Variants in RBFOX3 observed in about 807,000 individuals in gnomAD.
RBFOX3 encodes RNA binding fox-1 homolog 3.
Under a neutral mutation model 48.7 loss-of-function variants are expected in RBFOX3, and 17 were observed. The observed-to-expected ratio is 0.35, with a 90% CI of 0.24 to 0.52. RBFOX3 has a LOEUF of 0.52. Among genes scored for constraint, RBFOX3 ranks in the 20% least tolerant of loss-of-function variants. The probability of loss-of-function intolerance (pLI) is 0.94; values close to 1 mark genes in which losing one functional copy is unlikely to be tolerated. For synonymous variants in RBFOX3, 212 were observed against 209.5 expected (o/e 1.01, Z -0.10); for missense variants, 382 against 497.5 (o/e 0.77, Z 2.21).
At chr17:79,619,347 G>A in the RBFOX3 span, among the ~76,000 whole-genome samples, 6 of 152,292 alleles carry the variant, frequency 3.9e-5, no homozygotes, top group East Asian at 9.7e-4. Context: ...TGAAATCAAG[G>A]TGTCAGTGGG....
intron 2 of RBFOX3, among the ~76,000 whole-genome samples, chr17:79,456,417 C>A (rs149417534): frequency 1.6e-4 from 24 of 152,102 alleles, no homozygotes; most frequent in Non-Finnish European, 3.5e-4. Context: ...CCACTGGATG[C>A]CAGGGGCAGC....
At chr17:79,428,391 G>A (rs578071090) in intron 2 of RBFOX3, among the ~76,000 whole-genome samples, 2 of 152,312 alleles carry the variant, frequency 1.3e-5, no homozygotes, top group Non-Finnish European at 2.9e-5. Context: ...CCCAGCCTTC[G>A]CATCCAGGAA....
intron 4 of RBFOX3, among the ~76,000 whole-genome samples, chr17:79,148,705 G>A (rs2043605037): frequency 6.6e-6 from 1 of 152,240 alleles, no homozygotes; most frequent in Non-Finnish European, 1.5e-5. Context: ...TGGAAGTGAT[G>A]AGAGTTGGGC....
At chr17:79,179,084 G>C (rs897311725) in intron 4 of RBFOX3, among the ~76,000 whole-genome samples, 1 of 152,222 alleles carries the variant, frequency 6.6e-6, no homozygotes, top group Non-Finnish European at 1.5e-5. Context: ...AACAGCCCAG[G>C]GAACAGAGAC....
In RBFOX3 at chr17:79,391,877, C is replaced by A. The variant is rs2061411678; in HGVS notation, c.-174-84053G>T. On this transcript the variant is annotated intron_variant, in intron 2 of 14. Transcript: ENST00000693108. The surrounding 1 kb of genome is among the most constrained non-coding windows in gnomAD (Gnocchi z 5.0). ...CGAATCTGTTAAAAAAAAAAGGCTC[C>A]AGGCTGGACAAGCCCCAGGTCCCCT... is the stretch of plus-strand genomic sequence containing the variant. Among the ~76,000 whole-genome samples, 1 of 152,166 alleles carries A rather than the reference C, an allele frequency of 6.6e-6. No individual in the cohort carries two copies. The highest frequency in any genetic ancestry group is 1.5e-5 in the Non-Finnish European group (1 of 68,018).
At chr17:79,319,875 T>C (rs2078211941) in intron 2 of RBFOX3, among the ~76,000 whole-genome samples, 1 of 58,742 alleles carries the variant, frequency 1.7e-5, no homozygotes. Context: ...TGGTCCTGTC[T>C]GGGCTGCTGG....
In RBFOX3 at chr17:79,423,677, G is replaced by T. The variant is rs62061668; in HGVS notation, c.-175+58777C>A. On this transcript the variant is annotated intron_variant, in intron 2 of 14. Transcript: ENST00000693108. This position sits in a 1 kb window ranked among gnomAD's most constrained non-coding sequence, Gnocchi z 4.9. The stretch of plus-strand genomic sequence containing the variant: ...ATGCCTGCCCCCCCGACCACCCCGT[G>T]CCCACAGACAAGGTCAGCTCAATAC... 0.036 allele frequency: 5,468 copies of T among 153,236 alleles called. 126 individuals are homozygous for T. The highest frequency in any genetic ancestry group is 0.054 in the Non-Finnish European group (3,647 of 67,984). 9.5% of individuals were successfully genotyped at this position (153,236 alleles called of 1,614,324 possible). A position where few individuals can be genotyped will look rare whatever the true frequency, so the allele number is the denominator to read the frequency against.
chr17:79,611,668 G>C (rs2093971067), upstream of RBFOX3, among the ~76,000 whole-genome samples: 1 of 152,098 alleles, frequency 6.6e-6, no homozygotes, highest in African/African-American at 2.4e-5. Context: ...CAAGCATCAG[G>C]GACGAATGCC....
chr17:79,293,734 T>C (rs1333104752), intron 3 of RBFOX3, among the ~76,000 whole-genome samples: 1 of 152,202 alleles, frequency 6.6e-6, no homozygotes, highest in African/African-American at 2.4e-5. Context: ...ATTACAGGCA[T>C]GAGCCACTTG....
chr17:79,393,990 A>G (rs904240602), intron 2 of RBFOX3, among the ~76,000 whole-genome samples: 1 of 151,332 alleles, frequency 6.6e-6, no homozygotes, highest in Non-Finnish European at 1.5e-5. Flanking sequence ...AGTCATGCAC[A>G]TCTGAGTCTG....
chr17:79,506,489 C>T (rs2149791437), intron 1 of RBFOX3, among the ~76,000 whole-genome samples: 1 of 152,334 alleles, frequency 6.6e-6, no homozygotes, highest in East Asian at 1.9e-4. Flanking sequence ...CTCTTAGATT[C>T]TAAATATTGT....
chr17:79,515,557 G>T (rs1358847683), intron 1 of RBFOX3, among the ~76,000 whole-genome samples: 1 of 152,218 alleles, frequency 6.6e-6, no homozygotes, highest in African/African-American at 2.4e-5. Context: ...TGGCAGCACA[G>T]TTCCTTCTCA....
intron 2 of RBFOX3, among the ~76,000 whole-genome samples, chr17:79,382,861 G>A (rs1470054089): frequency 6.6e-6 from 1 of 152,176 alleles, no homozygotes; most frequent in East Asian, 1.9e-4. Context: ...GCCTGAATGG[G>A]GCATTTCCAG....
intron 1 of RBFOX3, among the ~76,000 whole-genome samples, chr17:79,492,532 C>T (rs1182235299): frequency 2.0e-5 from 3 of 152,228 alleles, no homozygotes; most frequent in Non-Finnish European, 4.4e-5. Context: ...GACCAGCTTA[C>T]AAGCAGATCC....
chr17:79,253,283 CG>C (rs2064262693), intron 3 of RBFOX3, among the ~76,000 whole-genome samples: 2 of 152,018 alleles, frequency 1.3e-5, no homozygotes, highest in Non-Finnish European at 1.5e-5. Context: ...GACACAAAGC[CG>C]GGGAGGACTC....
At chr17:79,657,112 G>C in the RBFOX3 span, among the ~76,000 whole-genome samples, 1 of 152,036 alleles carries the variant, frequency 6.6e-6, no homozygotes, top group African/African-American at 2.4e-5. Context: ...CCCTTCAATG[G>C]CTCCCCCACT....
chr17:79,292,325 C>T (rs2073425981), intron 3 of RBFOX3, among the ~76,000 whole-genome samples: 1 of 151,974 alleles, frequency 6.6e-6, no homozygotes, highest in South Asian at 2.1e-4. Flanking sequence ...CCCCGCATGC[C>T]TCCAGTATAG....
intron 4 of RBFOX3, among the ~76,000 whole-genome samples, chr17:79,163,328 G>A (rs900475478): frequency 2.0e-5 from 3 of 152,224 alleles, no homozygotes; most frequent in Non-Finnish European, 4.4e-5. Context: ...AGTGTTCTGA[G>A]GGTGTCAAGA....
Position 79,163,660 on chromosome 17 carries a change from G to A in RBFOX3, c.-33-47912C>T, listed in dbSNP as rs1332033474. On this transcript the variant is annotated intron_variant, in intron 4 of 14. Coordinates refer to ENST00000693108, the MANE Select transcript of RBFOX3 (RefSeq NM_001350451.2). The stretch of plus-strand genomic sequence containing the variant: ...CCAGCACTGGGTGCAGAGCTGCCTG[G>A]GTGGGGAAGGCCTAGAGGGATGCCC... Among the ~76,000 whole-genome samples, 4 of 151,790 alleles carry A rather than the reference G, an allele frequency of 2.6e-5. No individual in the cohort carries two copies. In the East Asian group the frequency reaches 7.8e-4, roughly 29 times the overall value.
Sources: gnomAD v4.1 joint callset for allele counts (sites outside exome capture counted in the v4.1 genomes callset) on GRCh38, gnomAD v4.1.1 for gene constraint, Gnocchi (gnomAD v3.1) non-coding constraint, MANE v1.5 for transcripts, NCBI Gene and HGNC (gene_info 2026-07-23, HGNC 2026-07-21) for gene names.